The following MISP variants were observed in gnomAD, a reference collection of about 807,000 sequenced individuals.
MISP encodes the protein mitotic interactor and substrate of PLK1.
In MISP, 51 loss-of-function variants were observed where a neutral mutation model predicts 49.3. That is an observed-to-expected ratio of 1.03 (90% CI 0.83 to 1.31). The LOEUF is 1.31. MISP is among the 50% of genes most tolerant of loss of function. MISP has a pLI of 0.00. For synonymous variants in MISP, 444 were observed against 392.6 expected (o/e 1.13, Z -1.55); for missense variants, 1,084 against 935.1 (o/e 1.16, Z -2.08).
In MISP at chr19:763,581, G is replaced by A; in HGVS notation, c.2031G>A (p.Glu677=). 1 of 1,613,448 alleles carries A rather than the reference G, an allele frequency of 6.2e-7. No individual in the cohort carries two copies. The highest frequency in any genetic ancestry group is 1.3e-5 in the African/African-American group (1 of 75,032). The change falls in exon 5 of 5, where the codon GAG becomes GAA. Residue 677 remains glutamate (E), a synonymous_variant. Coordinates refer to ENST00000215582, the MANE Select transcript of MISP (RefSeq NM_173481.4). ...RWESRIYASE[E]DD ...AATCCCGCATCTACGCCAGTGAGGA[G>A]GATGACTGAGCCTCGGGATGGGGCG...
intron 1 of MISP, among the ~76,000 whole-genome samples, chr19:754,971 G>T (rs1359704343): frequency 6.7e-6 from 1 of 148,906 alleles, no homozygotes; most frequent in African/African-American, 2.4e-5. Flanking sequence ...GAAGAGGAGG[G>T]CCTGGCTTGG....
upstream of MISP, among the ~76,000 whole-genome samples, chr19:749,726 A>T (rs1410453387): frequency 6.6e-6 from 1 of 152,110 alleles, no homozygotes; most frequent in Non-Finnish European, 1.5e-5. Flanking sequence ...GCTACTAGGG[A>T]AGCTGAGGCA....
At chr19:754,871 G>A (rs1160256091) in intron 1 of MISP, among the ~76,000 whole-genome samples, 1 of 152,012 alleles carries the variant, frequency 6.6e-6, no homozygotes, top group South Asian at 2.1e-4. Context: ...TGGAAGAGGA[G>A]GGTCTGGTTT....
At position 763,500 on chromosome 19, in the gene MISP, G is replaced by A; in HGVS notation, c.1951-1G>A. 6.2e-7 allele frequency: 1 copy of A among 1,613,232 alleles called. No homozygotes were observed. Among genetic ancestry groups the A allele is most frequent in the African/African-American group, 1.3e-5 (1 of 74,984 alleles). On this transcript the variant is annotated splice_acceptor_variant, in intron 4 of 4. Transcript: ENST00000215582. LOFTEE classifies it high-confidence loss of function. ...GGGGAATTCATGCCTCCTTTTTGCA[G>A]GTCCTGGAAGCCATACGGGTGACCC...
intron 1 of MISP, among the ~76,000 whole-genome samples, chr19:752,784 G>A (rs534046064): frequency 3.1e-4 from 45 of 147,410 alleles, no homozygotes; most frequent in South Asian, 1.1e-3. Context: ...TATAAATCCC[G>A]CTGTGTAAAC....
Position 752,978 on chromosome 19 carries a change from T to A in MISP, c.-58+1807T>A, listed in dbSNP as rs190429272. Among the ~76,000 whole-genome samples the A allele has an allele frequency of 8.8e-4, 134 of 152,190 alleles. No homozygotes were observed. The Middle Eastern group carries it at 0.02, about 23-fold the overall frequency. Reference sequence around the variant, plus strand: ...TGAGTGGTGTTTGCCCAGCCAGTATTTATTAGGCGCCTGCTGTATACCAGA... The same window carrying A: ...TGAGTGGTGTTTGCCCAGCCAGTATATATTAGGCGCCTGCTGTATACCAGA... On this transcript the variant is annotated intron_variant, in intron 1 of 4. Coordinates refer to ENST00000215582, the MANE Select transcript of MISP (RefSeq NM_173481.4).
chr19:758,104 G>C lies in MISP; in HGVS notation c.1158G>C (p.Gln386His), dbSNP rs774613246. ...CCGACTGGGTCTCGGAGGGTCCCCA[G>C]CCCGGACTCCGGAGAGCCCTCAGCT... ...STPDWVSEGP[Q>H]PGLRRALSSD... is the part of the protein sequence containing the mutation. Residue 386 changes from glutamine to histidine, a missense_variant, in exon 2 of 5, where the codon CAG becomes CAC. Physicochemically the swap from Gln to His is conservative, Grantham distance 24. Transcript: ENST00000215582. 1 of 1,597,530 alleles carries C rather than the reference G, an allele frequency of 6.3e-7. No individual in the cohort carries two copies. The highest frequency in any genetic ancestry group is 8.5e-7 in the Non-Finnish European group (1 of 1,172,180).
rs900655039 is a variant in MISP, at chr19:757,590, C to T, written c.644C>T (p.Pro215Leu). ...AACAAGGGGGCCCCTCATAGCTCCC[C>T]GGCCAGGGGGACCCCTGCAGGCACA... ...QANKGAPHSSPARGTPAGTTP... is the reference protein window; with the variant it reads ...QANKGAPHSSLARGTPAGTTP... Residue 215 changes from proline to leucine, a missense_variant, in exon 2 of 5, where the codon CCG (proline) becomes CTG (leucine). Coordinates refer to ENST00000215582, the MANE Select transcript of MISP (RefSeq NM_173481.4). The T allele has an allele frequency of 2.2e-5, 36 of 1,612,576 alleles. No individual in the cohort carries two copies. Among genetic ancestry groups the T allele is most frequent in the East Asian group, 4.5e-5 (2 of 44,836 alleles).
At chr19:761,500 C>T (rs1358971844) in intron 3 of MISP, 125 bp from the exon 4 acceptor site, 1 of 1,026,908 alleles carries the variant, frequency 9.7e-7, no homozygotes. Context: ...TGAGAACACT[C>T]AGGGCAGGGG....
In MISP at chr19:758,421, C is replaced by G. The variant is rs112598403; in HGVS notation, c.1475C>G (p.Pro492Arg). The G allele has an allele frequency of 1.1e-5, 18 of 1,614,208 alleles. No individual in the cohort carries two copies. The highest frequency in any genetic ancestry group is 1.5e-5 in the Non-Finnish European group (18 of 1,180,032). The part of the protein sequence containing the change: ...QEASKPPRGC[P>R]QANRGVVRWE... Reference sequence around the variant, plus strand: ...GCATCGAAGCCCCCTCGGGGATGCCCGCAAGCCAACAGGGGTGTCGTGCGG... The same window carrying G: ...GCATCGAAGCCCCCTCGGGGATGCCGGCAAGCCAACAGGGGTGTCGTGCGG... The change falls in exon 2 of 5, where the codon CCG (proline) becomes CGG (arginine). Residue 492 changes from proline (P) to arginine (R), a missense_variant. Physicochemically the swap from Pro to Arg is moderately radical, Grantham distance 103. Coordinates refer to ENST00000215582, the MANE Select transcript of MISP (RefSeq NM_173481.4).
At position 758,155 on chromosome 19, in the gene MISP, A is replaced by G; in HGVS notation, c.1209A>G (p.Pro403=). 2 of 1,612,422 alleles carry G rather than the reference A, an allele frequency of 1.2e-6. No homozygotes were observed. The highest frequency in any genetic ancestry group is 1.7e-6 in the Non-Finnish European group (2 of 1,179,702). Residue 403 remains proline, a synonymous_variant, in exon 2 of 5, where the codon CCA becomes CCG. Transcript: ENST00000215582. Reference sequence around the variant, plus strand: ...CAGATTCCATCCTCAGCCCGGCCCCAGATGCCCGTGCGGCCGACCCAGCTC... The same window carrying G: ...CAGATTCCATCCTCAGCCCGGCCCCGGATGCCCGTGCGGCCGACCCAGCTC... ...LSSDSILSPA[P]DARAADPAPE...
intron 4 of MISP, among the ~76,000 whole-genome samples, chr19:762,227 C>A (rs528341660): frequency 6.7e-6 from 1 of 149,886 alleles, no homozygotes; most frequent in South Asian, 2.1e-4. Context: ...GCTGGGATTA[C>A]AGGCGCGAGC....
rs2033452650 is a variant in MISP at position 751,120 on chromosome 19, C to G, written c.-109C>G. 6.6e-6 allele frequency: 1 copy of G among 152,510 alleles called. No homozygotes were observed. Among genetic ancestry groups the G allele is most frequent in the African/African-American group, 2.4e-5 (1 of 41,430 alleles). The allele number at this position is 152,510 out of a possible 1,614,324, so 9.4% of individuals were successfully genotyped here. A position where few individuals can be genotyped will look rare whatever the true frequency, so the allele number is the denominator to read the frequency against. On this transcript the variant is annotated 5_prime_UTR_variant, in exon 1 of 5. Transcript: ENST00000215582. ...GGGCGGAGCTGGGAGGCCTCTGTGC[C>G]CATCGAGGAGTCAGAGTGGAGGCTG...
rs1004729174 is a variant in MISP, at chr19:763,760, C to T, written c.*170C>T. 5.2e-6 allele frequency: 3 copies of T among 580,390 alleles called. No homozygotes were observed. The highest frequency in any genetic ancestry group is 9.2e-6 in the Non-Finnish European group (3 of 325,986). The allele number at this position is 580,390 out of a possible 1,614,324, so 36.0% of individuals were successfully genotyped here. ...GCACATTTGGGACTGTTGGGTTTTT[C>T]GTTTCCGTTTCTATCTTCCTTTAGA... On this transcript the variant is annotated 3_prime_UTR_variant, in exon 5 of 5. Transcript: ENST00000215582.
At chr19:749,415 G>T (rs1000370787), upstream of MISP, among the ~76,000 whole-genome samples, 3 of 152,214 alleles carry the variant, frequency 2.0e-5, no homozygotes, top group African/African-American at 7.2e-5. Context: ...GGACGTGAAG[G>T]GGGTGGCGGG....
intron 1 of MISP, among the ~76,000 whole-genome samples, chr19:753,731 C>T (rs1235241499): frequency 1.3e-5 from 2 of 150,758 alleles, no homozygotes; most frequent in Non-Finnish European, 2.9e-5. Flanking sequence ...GGCAGCAGAT[C>T]TAAATAATAG....
chr19:763,610 A>G lies in MISP; in HGVS notation c.*20A>G. The G allele has an allele frequency of 6.3e-7, 1 of 1,583,792 alleles. No homozygotes were observed. The highest frequency in any genetic ancestry group is 8.7e-7 in the Non-Finnish European group (1 of 1,155,460). ...GACTGAGCCTCGGGATGGGGCGCCC[A>G]CCCCCTGCCCTGCCCTGACCCTCGT... is the stretch of plus-strand genomic sequence containing the variant. On this transcript the variant is annotated 3_prime_UTR_variant, in exon 5 of 5. Coordinates refer to ENST00000215582, the MANE Select transcript of MISP (RefSeq NM_173481.4).
At position 751,223 on chromosome 19, in the gene MISP, G is replaced by A. The variant is rs550241508; in HGVS notation, c.-58+52G>A. ...GCCGGGCGGGGATCCTGTGTGGGGCGGTTGGATCCACATTTGGCGTGGGAG... is the reference window on the plus strand; with the variant it reads ...GCCGGGCGGGGATCCTGTGTGGGGCAGTTGGATCCACATTTGGCGTGGGAG... On this transcript the variant is annotated intron_variant, in intron 1 of 4. Coordinates refer to ENST00000215582, the MANE Select transcript of MISP (RefSeq NM_173481.4). 46 of 152,408 alleles carry A rather than the reference G, an allele frequency of 3.0e-4. 1 individual carries two copies. In the South Asian group the frequency reaches 4.6e-3, roughly 15 times the overall value. 9.4% of individuals were successfully genotyped at this position (152,408 alleles called of 1,614,324 possible). A position where few individuals can be genotyped will look rare whatever the true frequency, so the allele number is the denominator to read the frequency against.
Position 763,601 on chromosome 19 carries a change from G to C in MISP, c.*11G>C, listed in dbSNP as rs2144971985. 1 of 1,605,676 alleles carries C rather than the reference G, an allele frequency of 6.2e-7. No individual in the cohort carries two copies. ...GAGGAGGATGACTGAGCCTCGGGATGGGGCGCCCACCCCCTGCCCTGCCCT... is the reference window on the plus strand; with the variant it reads ...GAGGAGGATGACTGAGCCTCGGGATCGGGCGCCCACCCCCTGCCCTGCCCT... On this transcript the variant is annotated 3_prime_UTR_variant, in exon 5 of 5. Transcript: ENST00000215582.
Sources: gnomAD v4.1 joint callset for allele counts (sites outside exome capture counted in the v4.1 genomes callset) on GRCh38, gnomAD v4.1.1 for gene constraint, MANE v1.5 for transcripts, NCBI Gene and HGNC (gene_info 2026-07-23, HGNC 2026-07-21) for gene names.